FHIP2A: variants seen among roughly 807,000 people sequenced by gnomAD.
FHIP2A encodes the protein family with sequence similarity 160 member B1.
A neutral mutation model predicts 93.5 loss-of-function variants in FHIP2A; 46 were observed. The observed-to-expected ratio is 0.49, with a 90% CI of 0.39 to 0.63. The LOEUF (loss-of-function observed/expected upper bound fraction) is 0.63. Among genes scored for constraint, FHIP2A ranks in the 20% least tolerant of loss-of-function variants. The pLI is 0.00. For missense variants in FHIP2A, 769 were observed against 909.7 expected (o/e 0.85, Z 1.99); for synonymous variants, 332 against 326.5 (o/e 1.02, Z -0.18).
intron 1 of FHIP2A, among the ~76,000 whole-genome samples, chr10:114,824,867 A>C (rs2083564300): frequency 6.6e-6 from 1 of 152,244 alleles, no homozygotes; most frequent in Admixed American, 6.5e-5. Context: ...GATTATACAG[A>C]GACAGAAAAT....
At chr10:114,880,721 G>C (rs1566386521) in intron 16 of FHIP2A, among the ~76,000 whole-genome samples, 1 of 92,796 alleles carries the variant, frequency 1.1e-5, no homozygotes, top group East Asian at 2.2e-4. Flanking sequence ...AGATTCCTGG[G>C]CCCCTTCCTA....
At chr10:114,876,597 C>G (rs1474179065) in intron 16 of FHIP2A, among the ~76,000 whole-genome samples, 3 of 152,206 alleles carry the variant, frequency 2.0e-5, no homozygotes, top group Non-Finnish European at 2.9e-5. Context: ...AGAACCCTCT[C>G]GGGTTCCTAG....
At chr10:114,846,810 C>T (rs981501928) in intron 11 of FHIP2A, 82 bp downstream of exon 11, 8 of 1,273,380 alleles carry the variant, frequency 6.3e-6, no homozygotes, top group African/African-American at 3.0e-5. Flanking sequence ...CCTCCCTTAT[C>T]CTCAAAAGAA....
At chr10:114,869,801 T>C (rs2143014098) in intron 16 of FHIP2A, among the ~76,000 whole-genome samples, 1 of 152,338 alleles carries the variant, frequency 6.6e-6, no homozygotes, top group Middle Eastern at 3.4e-3. Context: ...TGGGTGTTTT[T>C]CTTTGGAATT....
chr10:114,873,803 T>G (rs1210502991), intron 16 of FHIP2A, among the ~76,000 whole-genome samples: 1 of 152,280 alleles, frequency 6.6e-6, no homozygotes, highest in East Asian at 1.9e-4. Context: ...TTTCTTTTTG[T>G]TTTTTAGTAC....
At chr10:114,840,599 C>T (rs1450983522) in intron 5 of FHIP2A, among the ~76,000 whole-genome samples, 2 of 152,120 alleles carry the variant, frequency 1.3e-5, no homozygotes, top group East Asian at 1.9e-4. Context: ...ACAAGGACTA[C>T]GACCAAGTTG....
Position 114,861,670 on chromosome 10 carries a change from C to G in FHIP2A, c.*130C>G. ...CAGTATTGCTGTAAACTGGACAGAA[C>G]CATTAAGAACCTATTGAGTGGACAT... is the stretch of plus-strand genomic sequence containing the variant. On this transcript the variant is annotated 3_prime_UTR_variant, in exon 17 of 17. Coordinates refer to ENST00000369248, the MANE Select transcript of FHIP2A (RefSeq NM_020940.4). 1 of 1,437,454 alleles carries G rather than the reference C, an allele frequency of 7.0e-7. No individual in the cohort carries two copies. Among genetic ancestry groups the G allele is most frequent in the South Asian group, 1.5e-5 (1 of 67,030 alleles). The allele number at this position is 1,437,454 out of a possible 1,614,324, so 89.0% of individuals were successfully genotyped here.
intron 16 of FHIP2A, among the ~76,000 whole-genome samples, chr10:114,873,547 G>C (rs557928122): frequency 6.6e-6 from 1 of 152,296 alleles, no homozygotes; most frequent in Non-Finnish European, 1.5e-5. Flanking sequence ...CTTGAGGGTA[G>C]AGTATCTGCA....
intron 13 of FHIP2A, among the ~76,000 whole-genome samples, chr10:114,854,742 T>C (rs7918253): frequency 0.32 from 48,483 of 152,076 alleles, 8,310 homozygotes; most frequent in Non-Finnish European, 0.39. Flanking sequence ...CATAACATCA[T>C]GCCTAGTGTG....
chr10:114,837,449 A>T lies in FHIP2A; in HGVS notation c.522+1203A>T, dbSNP rs183695257. ...AGAATCCCTTGAACCCGGGAGGTGG[A>T]GGTTGCAGTGAGCCAAGATTGCAAC... On this transcript the variant is annotated intron_variant, in intron 5 of 16. Transcript: ENST00000369248. 5.2e-3 allele frequency among the ~76,000 whole-genome samples: 785 copies of T among 152,306 alleles called. 30 individuals are homozygous for T. Among genetic ancestry groups the T allele is most frequent in the Admixed American group, 0.048 (730 of 15,304 alleles).
chr10:114,863,171 A>T lies in FHIP2A; in HGVS notation c.*1631A>T. 2 of 977,944 alleles carry T rather than the reference A, an allele frequency of 2.0e-6. No individual in the cohort carries two copies. Among genetic ancestry groups the T allele is most frequent in the Non-Finnish European group, 2.4e-6 (2 of 823,092 alleles). 60.6% of individuals were successfully genotyped at this position (977,944 alleles called of 1,614,324 possible). On this transcript the variant is annotated 3_prime_UTR_variant, in exon 17 of 17. Coordinates refer to ENST00000369248, the MANE Select transcript of FHIP2A (RefSeq NM_020940.4). ...AATTTATTAAGTAAAACAAAGAAAAAACAGAAGTGGGAGATAGTTATTTTG... is the reference window on the plus strand; with the variant it reads ...AATTTATTAAGTAAAACAAAGAAAATACAGAAGTGGGAGATAGTTATTTTG...
chr10:114,897,921 C>A (rs2084008735), intron 16 of FHIP2A, among the ~76,000 whole-genome samples: 1 of 152,244 alleles, frequency 6.6e-6, no homozygotes, highest in African/African-American at 2.4e-5. Context: ...AACAAAAATT[C>A]ATTGGGACTG....
At chr10:114,875,900 AATAAAGAAAG>A (rs1311486324) in intron 16 of FHIP2A, among the ~76,000 whole-genome samples, 4 of 106,366 alleles carry the variant, frequency 3.8e-5, no homozygotes, top group African/African-American at 1.2e-4. Context: ...GAGAGAAAGA[AATAAAGAAAG>A]AGAAAGAAAG....
At chr10:114,899,351 C>T in intron 16 of FHIP2A, 1 of 563,696 alleles carries the variant, frequency 1.8e-6, no homozygotes, top group Non-Finnish European at 3.2e-6. Context: ...AGTGTAAGCA[C>T]AAAATAATAT....
At chr10:114,850,891 T>G (rs2083731090) in intron 13 of FHIP2A, among the ~76,000 whole-genome samples, 1 of 152,156 alleles carries the variant, frequency 6.6e-6, no homozygotes, top group Non-Finnish European at 1.5e-5. Flanking sequence ...CAAAAGTTCT[T>G]AATTTTGTTT....
intron 16 of FHIP2A, among the ~76,000 whole-genome samples, chr10:114,872,726 CTCAA>C (rs1320898099): frequency 6.6e-6 from 1 of 152,224 alleles, no homozygotes; most frequent in African/African-American, 2.4e-5. Context: ...GGCATTTCAT[CTCAA>C]TCAATCACTG....
chr10:114,875,561 T>C (rs1298887049), intron 16 of FHIP2A, among the ~76,000 whole-genome samples: 1 of 151,966 alleles, frequency 6.6e-6, no homozygotes, highest in Admixed American at 6.6e-5. Context: ...CTGGGCATGA[T>C]GGCGGGTGCC....
chr10:114,846,783 C>G, intron 11 of FHIP2A, 55 bp downstream of exon 11: 1 of 1,436,084 alleles, frequency 7.0e-7, no homozygotes, highest in Non-Finnish European at 9.4e-7. Flanking sequence ...ATAGAACTTT[C>G]TCTCTCCTCT....
At chr10:114,899,502 T>C in exon 17 of FHIP2A, 2 of 718,576 alleles carry the variant, frequency 2.8e-6, no homozygotes, top group South Asian at 1.5e-5. Context: ...AGACGTTGCC[T>C]TCATGGTGGT....
Sources: gnomAD v4.1 joint callset for allele counts (sites outside exome capture counted in the v4.1 genomes callset) on GRCh38, gnomAD v4.1.1 for gene constraint, MANE v1.5 for transcripts, NCBI Gene and HGNC (gene_info 2026-07-23, HGNC 2026-07-21) for gene names.